PFKFB3: variants seen among roughly 807,000 people sequenced by gnomAD.
PFKFB3 encodes the protein 6-phosphofructo-2-kinase/fructose-2,6-bisphosphatase 3.
In PFKFB3, 33 loss-of-function variants were observed where a neutral mutation model predicts 68.0. The observed-to-expected ratio is 0.49, with a 90% CI of 0.37 to 0.65. The LOEUF is 0.65. PFKFB3 is among the 30% of genes least tolerant of loss of function. PFKFB3 has a pLI of 0.00. For synonymous variants in PFKFB3, 315 were observed against 288.2 expected (o/e 1.09, Z -0.94); for missense variants, 586 against 712.2 (o/e 0.82, Z 2.02).
intron 1 of PFKFB3, chr10:6,163,926 T>TG (rs1234136466): frequency 1.3e-5 from 2 of 152,436 alleles, no homozygotes; most frequent in African/African-American, 4.8e-5. Context: ...TCTGGGGACC[T>TG]GGGGTTGTGT....
chr10:6,279,899 C>T, the PFKFB3 span, among the ~76,000 whole-genome samples: 674 of 152,114 alleles, frequency 4.4e-3, 6 homozygotes, highest in African/African-American at 0.015. Context: ...ACCCTGGCTG[C>T]ATGCTGTGTG....
chr10:6,198,618 G>T (rs1266178679), upstream of PFKFB3, among the ~76,000 whole-genome samples: 1 of 152,232 alleles, frequency 6.6e-6, no homozygotes, highest in African/African-American at 2.4e-5. Context: ...GAGTAGCTGG[G>T]ATTACAGGTG....
At chr10:6,306,558 A>G in the PFKFB3 span, among the ~76,000 whole-genome samples, 1 of 152,238 alleles carries the variant, frequency 6.6e-6, no homozygotes, top group African/African-American at 2.4e-5. Flanking sequence ...AAAATGTAAC[A>G]GATTTCCCTA....
chr10:6,288,675 T>A, the PFKFB3 span, among the ~76,000 whole-genome samples: 2 of 152,074 alleles, frequency 1.3e-5, no homozygotes, highest in Admixed American at 6.5e-5. Context: ...CGTGTGCATG[T>A]GTCTTTATAG....
At chr10:6,273,189 A>G in the PFKFB3 span, among the ~76,000 whole-genome samples, 5 of 151,884 alleles carry the variant, frequency 3.3e-5, no homozygotes. Context: ...TTGTATTTTC[A>G]GTAGAGACGG....
At chr10:6,245,453 G>C (rs1014664351) in intron 14 of PFKFB3, among the ~76,000 whole-genome samples, 2 of 151,676 alleles carry the variant, frequency 1.3e-5, no homozygotes, top group African/African-American at 2.4e-5. Context: ...GTCTGGCTCT[G>C]TCGCCCAGGC....
At chr10:6,157,253 G>A (rs1338175252) in intron 1 of PFKFB3, among the ~76,000 whole-genome samples, 4 of 149,058 alleles carry the variant, frequency 2.7e-5, no homozygotes, top group African/African-American at 4.9e-5. Context: ...TTGAGACGGA[G>A]TCTCGCTCTG....
the PFKFB3 span, among the ~76,000 whole-genome samples, chr10:6,310,766 G>A: frequency 6.6e-6 from 1 of 152,112 alleles, no homozygotes; most frequent in Non-Finnish European, 1.5e-5. Flanking sequence ...AATAAGACAT[G>A]TATGCTCGTA....
intron 14 of PFKFB3, chr10:6,231,696 C>A: frequency 1.7e-6 from 1 of 580,202 alleles, no homozygotes; most frequent in Non-Finnish European, 2.2e-6. Context: ...ATATGAGGAC[C>A]CAGGGCTCTC....
chr10:6,262,023 A>AAC, the PFKFB3 span, among the ~76,000 whole-genome samples: 1 of 150,808 alleles, frequency 6.6e-6, no homozygotes, highest in Admixed American at 6.6e-5. Flanking sequence ...AAAAAACAAA[A>AAC]AAAAAAACAC....
chr10:6,145,229 T>C (rs2131661463), intron 1 of PFKFB3, among the ~76,000 whole-genome samples: 1 of 151,130 alleles, frequency 6.6e-6, no homozygotes, highest in African/African-American at 2.4e-5. Context: ...ATCCGCACTG[T>C]CTCCTCCGGT....
At chr10:6,182,382 G>A (rs796688947) in intron 1 of PFKFB3, among the ~76,000 whole-genome samples, 2 of 152,318 alleles carry the variant, frequency 1.3e-5, no homozygotes, top group East Asian at 3.9e-4. Context: ...TCACAAACAA[G>A]TTGTCCTGCA....
chr10:6,259,694 C>G, the PFKFB3 span, among the ~76,000 whole-genome samples: 1 of 152,196 alleles, frequency 6.6e-6, no homozygotes, highest in Non-Finnish European at 1.5e-5. Context: ...CTCTCATGTA[C>G]CAAGCATTGT....
chr10:6,286,801 G>GT, the PFKFB3 span, among the ~76,000 whole-genome samples: 19 of 151,772 alleles, frequency 1.3e-4, no homozygotes, highest in African/African-American at 2.7e-4. Context: ...CCTTGCTGTT[G>GT]TTTTTTTTCC....
the PFKFB3 span, among the ~76,000 whole-genome samples, chr10:6,266,866 C>T: frequency 3.3e-5 from 5 of 152,338 alleles, no homozygotes; most frequent in East Asian, 1.9e-4. Context: ...TGGTCTCATG[C>T]GTGCGAAGCA....
chr10:6,294,969 T>C, the PFKFB3 span, among the ~76,000 whole-genome samples: 2 of 151,392 alleles, frequency 1.3e-5, no homozygotes, highest in African/African-American at 2.5e-5. Context: ...AAGGTGTTTT[T>C]TTTTTGTTTT....
At chr10:6,217,390 C>T (rs1394721155) in intron 6 of PFKFB3, among the ~76,000 whole-genome samples, 199 bp downstream of exon 6, 1 of 152,192 alleles carries the variant, frequency 6.6e-6, no homozygotes, top group African/African-American at 2.4e-5. Context: ...GAGGGACTAG[C>T]TCCATCCAGG....
chr10:6,147,304 GAA>G (rs1841425069), intron 1 of PFKFB3, among the ~76,000 whole-genome samples: 1 of 152,196 alleles, frequency 6.6e-6, no homozygotes, highest in South Asian at 2.1e-4. Context: ...TAAAAATTGG[GAA>G]ATGAAAAGAC....
At chr10:6,190,467 G>A (rs1387667428) in intron 1 of PFKFB3, among the ~76,000 whole-genome samples, 4 of 152,072 alleles carry the variant, frequency 2.6e-5, no homozygotes, top group Admixed American at 1.3e-4. Context: ...ATGTTTCTCT[G>A]GGTTTTAGTC....
Sources: allele counts gnomAD v4.1 joint callset (sites outside exome capture counted in the v4.1 genomes callset), GRCh38; gene constraint gnomAD v4.1.1; transcripts MANE v1.5; gene names NCBI Gene and HGNC (gene_info 2026-07-23, HGNC 2026-07-21).